The following PPP1R12B variants were observed in gnomAD, a reference collection of about 807,000 sequenced individuals.
PPP1R12B encodes myosin phosphatase target subunit 2.
Under a neutral mutation model 126.1 loss-of-function variants are expected in PPP1R12B, and 76 were observed. The ratio of observed to expected loss-of-function variants is 0.60; its 90% CI spans 0.50 to 0.73. PPP1R12B has a LOEUF of 0.73. Ranked by LOEUF, PPP1R12B falls within the 30% of genes least tolerant of loss-of-function variation. PPP1R12B has a pLI of 0.00. For missense variants in PPP1R12B, 1,052 were observed against 1,205.1 expected, an observed-to-expected ratio of 0.87 and a Z score of 1.88; for synonymous variants, 356 against 434.7, an observed-to-expected ratio of 0.82 and a Z score of 2.25.
At position 202,487,704 on chromosome 1, in the gene PPP1R12B, T is replaced by A. The variant is rs72748778; in HGVS notation, c.1851-829T>A. Among the ~76,000 whole-genome samples, 754 of 152,076 alleles carry A rather than the reference T, an allele frequency of 5.0e-3. 9 individuals are homozygous for A. Among genetic ancestry groups the A allele is most frequent in the Non-Finnish European group, 7.8e-3 (527 of 67,976 alleles). ...GCTTACTGCAACCTCGGCCTCCAAG[T>A]TAAAGTGATTCTCTTGTCTCAGCCT... On this transcript the variant is annotated intron_variant, in intron 13 of 23. Transcript: ENST00000608999.
At chr1:202,428,519 C>G (rs1204157965) in intron 5 of PPP1R12B, 1 of 215,550 alleles carries the variant, frequency 4.6e-6, no homozygotes, top group Non-Finnish European at 9.1e-6. Context: ...TTTGAAGAGC[C>G]CTTTATGGAA....
chr1:202,563,626 TAAAAAA>T (rs56149958), intron 20 of PPP1R12B, among the ~76,000 whole-genome samples: 4 of 120,392 alleles, frequency 3.3e-5, no homozygotes, highest in Non-Finnish European at 7.2e-5. Context: ...TTGGTGTTAG[TAAAAAA>T]AAAAAAAAAA....
chr1:202,446,714 T>A (rs967775184), intron 12 of PPP1R12B, among the ~76,000 whole-genome samples: 1 of 151,770 alleles, frequency 6.6e-6, no homozygotes, highest in African/African-American at 2.4e-5. Flanking sequence ...GCTATTATAC[T>A]GGGATTTAGT....
At position 202,591,542 on chromosome 1, in the gene PPP1R12B, C is replaced by T. The variant is rs571932940; in HGVS notation, c.*10982C>T. The T allele has an allele frequency of 2.6e-3, 395 of 152,638 alleles. 3 individuals carry two copies. The highest frequency in any genetic ancestry group is 4.4e-3 in the Non-Finnish European group (302 of 68,316). 9.5% of individuals were successfully genotyped at this position (152,638 alleles called of 1,614,324 possible). ...TGAAGGTCAGGGGACTTAGTCCACA[C>T]CTGCTCTGCCTGAGCCTCTCTCACA... On this transcript the variant is annotated 3_prime_UTR_variant, in exon 24 of 24. Coordinates refer to ENST00000608999, the MANE Select transcript of PPP1R12B (RefSeq NM_002481.4).
intron 18 of PPP1R12B, among the ~76,000 whole-genome samples, chr1:202,526,347 A>G (rs1322894883): frequency 6.6e-6 from 1 of 152,182 alleles, no homozygotes; most frequent in Non-Finnish European, 1.5e-5. Flanking sequence ...GAAAGGGGTA[A>G]AGTATTTATC....
chr1:202,397,152 T>C (rs1367264228), intron 1 of PPP1R12B, among the ~76,000 whole-genome samples: 1 of 152,174 alleles, frequency 6.6e-6, no homozygotes, highest in Non-Finnish European at 1.5e-5. Flanking sequence ...TCTCATTTCC[T>C]TTCACTCTTC....
chr1:202,445,724 T>C (rs1226292475), intron 12 of PPP1R12B, among the ~76,000 whole-genome samples: 2 of 152,172 alleles, frequency 1.3e-5, no homozygotes, highest in African/African-American at 4.8e-5. Context: ...GCTGGAAACA[T>C]TGTGAGAAGG....
rs773836835 is a variant in PPP1R12B, at chr1:202,493,143, A to C, written c.1971A>C (p.Ala657=). Residue 657 remains alanine (A), a synonymous_variant, in exon 15 of 24, where the codon GCA becomes GCC. Transcript: ENST00000608999. ...QGVTLTDLQE[A]ERTFSRSRAE... is the part of the protein sequence containing the mutation. Reference sequence around the variant, plus strand: ...TCACCCTAACAGACCTTCAAGAAGCAGAAAGGACATTCAGCCGGTCGAGGG... The same window carrying C: ...TCACCCTAACAGACCTTCAAGAAGCCGAAAGGACATTCAGCCGGTCGAGGG... 1 of 1,611,966 alleles carries C rather than the reference A, an allele frequency of 6.2e-7. No homozygotes were observed. Among genetic ancestry groups the C allele is most frequent in the African/African-American group, 1.3e-5 (1 of 74,854 alleles).
At chr1:202,448,881 G>A (rs35135499) in intron 12 of PPP1R12B, 108 bp from the exon 13 acceptor site, 9 of 1,188,942 alleles carry the variant, frequency 7.6e-6, no homozygotes, top group Admixed American at 4.7e-5. Flanking sequence ...AAATCAGAGC[G>A]AGATTTCCTA....
intron 23 of PPP1R12B, among the ~76,000 whole-genome samples, chr1:202,569,591 G>A (rs1688399751): frequency 6.6e-6 from 1 of 152,142 alleles, no homozygotes. Flanking sequence ...CCTGAGCATG[G>A]CCATAAGCTT....
At chr1:202,572,956 C>A (rs1206145881) in intron 23 of PPP1R12B, among the ~76,000 whole-genome samples, 3 of 152,148 alleles carry the variant, frequency 2.0e-5, no homozygotes, top group African/African-American at 4.8e-5. Flanking sequence ...CTGATAACTT[C>A]CAAATTCTTT....
intron 13 of PPP1R12B, among the ~76,000 whole-genome samples, chr1:202,477,076 T>C (rs1049474122): frequency 6.6e-6 from 1 of 152,228 alleles, no homozygotes. Flanking sequence ...GGGAACTCTT[T>C]GATTAAGATG....
intron 18 of PPP1R12B, among the ~76,000 whole-genome samples, chr1:202,523,921 G>A (rs1057406271): frequency 1.3e-5 from 2 of 152,082 alleles, no homozygotes; most frequent in Non-Finnish European, 2.9e-5. Context: ...TACCATGTTG[G>A]TCAGGCTGGT....
intron 12 of PPP1R12B, among the ~76,000 whole-genome samples, chr1:202,447,688 A>T (rs1572069678): frequency 6.6e-6 from 1 of 152,248 alleles, no homozygotes; most frequent in Non-Finnish European, 1.5e-5. Context: ...ATAAAATAAA[A>T]TCCTTGGCAT....
rs138846516 is a variant in PPP1R12B at position 202,365,071 on chromosome 1, G to T, written c.291+15929G>T. On this transcript the variant is annotated intron_variant, in intron 1 of 23. Transcript: ENST00000608999. ...AAATACCACCCTAACATATTAATTGGTTTTTTTTCCTTTGTTCTTCCTCAG... is the reference window on the plus strand; with the variant it reads ...AAATACCACCCTAACATATTAATTGTTTTTTTTTCCTTTGTTCTTCCTCAG... Among the ~76,000 whole-genome samples the T allele has an allele frequency of 4.9e-3, 749 of 151,974 alleles. 7 individuals carry two copies. Among genetic ancestry groups the T allele is most frequent in the African/African-American group, 0.016 (667 of 41,456 alleles).
intron 12 of PPP1R12B, chr1:202,443,178 T>C (rs1264218518): frequency 6.5e-6 from 6 of 927,572 alleles, no homozygotes; most frequent in Non-Finnish European, 7.7e-6. Flanking sequence ...CTGCAATTAT[T>C]TTCTTTGCCA....
chr1:202,400,194 G>A (rs1299141535), intron 1 of PPP1R12B, among the ~76,000 whole-genome samples: 6 of 152,124 alleles, frequency 3.9e-5, no homozygotes, highest in African/African-American at 1.4e-4. Context: ...ACATGATTTT[G>A]TTCCTTTTTA....
intron 18 of PPP1R12B, among the ~76,000 whole-genome samples, chr1:202,542,071 T>C (rs1230212244): frequency 1.3e-5 from 2 of 152,244 alleles, no homozygotes; most frequent in African/African-American, 4.8e-5. Context: ...ATGTTGCTTA[T>C]GTCTTTAATG....
intron 1 of PPP1R12B, among the ~76,000 whole-genome samples, chr1:202,352,610 CG>C (rs901473711): frequency 1.3e-5 from 2 of 152,068 alleles, no homozygotes; most frequent in South Asian, 2.1e-4. Context: ...CACTGGCGGC[CG>C]GGGGTGGTGG....
Sources: allele counts gnomAD v4.1 joint callset (sites outside exome capture counted in the v4.1 genomes callset), GRCh38; gene constraint gnomAD v4.1.1; transcripts MANE v1.5; gene names NCBI Gene and HGNC (gene_info 2026-07-23, HGNC 2026-07-21).